Variants in PIGU observed in about 807,000 individuals in gnomAD.
PIGU encodes the protein GPI-anchor transamidase component PIGU.
A neutral mutation model predicts 49.9 loss-of-function variants in PIGU; 24 were observed. That is an observed-to-expected ratio of 0.48 (90% CI 0.35 to 0.68). PIGU has a LOEUF of 0.68. PIGU is among the 30% of genes least tolerant of loss of function. The pLI is 0.01. For synonymous variants in PIGU, 220 were observed against 205.7 expected, an observed-to-expected ratio of 1.07 and a Z score of -0.59; for missense variants, 490 against 532.6, an observed-to-expected ratio of 0.92 and a Z score of 0.79.
In PIGU at chr20:34,656,067, G is replaced by A. The variant is rs1383621286; in HGVS notation, c.195+1113C>T. On this transcript the variant is annotated intron_variant, in intron 2 of 11. Coordinates refer to ENST00000217446, the MANE Select transcript of PIGU (RefSeq NM_080476.5). ...CGGCTCACTGCAAACTCTGCCTCCCGGGTTCAAACAATTGTCCTGCCTCAG... is the reference window on the plus strand; with the variant it reads ...CGGCTCACTGCAAACTCTGCCTCCCAGGTTCAAACAATTGTCCTGCCTCAG... 2.0e-5 allele frequency among the ~76,000 whole-genome samples: 2 copies of A among 101,774 alleles called. 1 individual carries two copies. The highest frequency in any genetic ancestry group is 3.9e-5 in the Non-Finnish European group (2 of 50,976). The allele number at this position is 101,774 out of a possible 152,430, so 66.8% of individuals were successfully genotyped here.
intron 11 of PIGU, among the ~76,000 whole-genome samples, chr20:34,573,663 G>A (rs1983105011): frequency 6.6e-6 from 1 of 152,226 alleles, no homozygotes; most frequent in Admixed American, 6.5e-5. Context: ...AAAGGAAGGA[G>A]ATCCCAGAAA....
At chr20:34,612,579 TA>T (rs1984856435) in intron 7 of PIGU, among the ~76,000 whole-genome samples, 1 of 151,622 alleles carries the variant, frequency 6.6e-6, no homozygotes, top group East Asian at 1.9e-4. Flanking sequence ...AATAAATAAA[TA>T]AATAACCAAG....
At chr20:34,568,438 C>T (rs143106462) in intron 11 of PIGU, among the ~76,000 whole-genome samples, 22 of 152,310 alleles carry the variant, frequency 1.4e-4, no homozygotes, top group African/African-American at 5.3e-4. Flanking sequence ...CCACAGGCAC[C>T]GCATATCGGG....
chr20:34,590,279 G>A (rs1052253026), intron 7 of PIGU, among the ~76,000 whole-genome samples: 4 of 151,994 alleles, frequency 2.6e-5, no homozygotes, highest in Admixed American at 2.0e-4. Flanking sequence ...GTCAGGGACT[G>A]GGCATGGTGG....
At chr20:34,611,951 G>C (rs1984832493) in intron 7 of PIGU, among the ~76,000 whole-genome samples, 2 of 152,186 alleles carry the variant, frequency 1.3e-5, no homozygotes, top group African/African-American at 4.8e-5. Context: ...AGACAGTGTG[G>C]CGATTCCTCA....
rs535329767 is a variant in PIGU at position 34,649,830 on chromosome 20, C to T, written c.196-4496G>A. On this transcript the variant is annotated intron_variant, in intron 2 of 11. Transcript: ENST00000217446. ...TATTACAGGCATGAGCCACTGTGCC[C>T]GGTCCATCTATTACATTCTTTTTTT... is the stretch of plus-strand genomic sequence containing the variant. Among the ~76,000 whole-genome samples, 227 of 136,550 alleles carry T rather than the reference C, an allele frequency of 1.7e-3. 1 individual carries two copies. The highest frequency in any genetic ancestry group is 5.8e-3 in the African/African-American group (211 of 36,232). The allele number at this position is 136,550 out of a possible 152,430, so 89.6% of individuals were successfully genotyped here.
At chr20:34,623,660 A>G (rs1033062695) in intron 6 of PIGU, among the ~76,000 whole-genome samples, 1 of 152,130 alleles carries the variant, frequency 6.6e-6, no homozygotes, top group African/African-American at 2.4e-5. Flanking sequence ...AGCACCATAA[A>G]AATAACAATA....
At chr20:34,664,002 G>C (rs1183511357) in intron 1 of PIGU, among the ~76,000 whole-genome samples, 4 of 152,190 alleles carry the variant, frequency 2.6e-5, no homozygotes, top group Admixed American at 2.6e-4. Flanking sequence ...ATATGCTTTT[G>C]CTAGATACTG....
At chr20:34,595,792 A>G (rs1600612341) in intron 7 of PIGU, among the ~76,000 whole-genome samples, 1 of 152,250 alleles carries the variant, frequency 6.6e-6, no homozygotes, top group Non-Finnish European at 1.5e-5. Flanking sequence ...CAAGAAAAGA[A>G]CTAATCTAAG....
intron 7 of PIGU, among the ~76,000 whole-genome samples, chr20:34,602,414 TA>T (rs2146727902): frequency 6.6e-6 from 1 of 151,564 alleles, no homozygotes; most frequent in Non-Finnish European, 1.5e-5. Context: ...CTGGCCAACA[TA>T]GTGAATCCCT....
intron 11 of PIGU, among the ~76,000 whole-genome samples, chr20:34,564,612 C>T (rs756038360): frequency 1.3e-5 from 2 of 152,184 alleles, no homozygotes; most frequent in Non-Finnish European, 2.9e-5. Flanking sequence ...GCACTTTTCC[C>T]TGTATAATAA....
chr20:34,662,752 C>T (rs1473852610), intron 1 of PIGU, among the ~76,000 whole-genome samples: 1 of 152,108 alleles, frequency 6.6e-6, no homozygotes, highest in Non-Finnish European at 1.5e-5. Flanking sequence ...TGAACATGTA[C>T]TCAATGAGAA....
intron 2 of PIGU, among the ~76,000 whole-genome samples, chr20:34,653,478 T>C (rs1400972494): frequency 1.3e-5 from 2 of 152,236 alleles, no homozygotes; most frequent in Non-Finnish European, 2.9e-5. Flanking sequence ...AAATGTATTT[T>C]ATCTCTGGTG....
intron 5 of PIGU, among the ~76,000 whole-genome samples, chr20:34,635,983 G>A (rs1030690297): frequency 4.0e-5 from 6 of 148,832 alleles, no homozygotes; most frequent in East Asian, 2.0e-4. Flanking sequence ...ACTTGAGCTC[G>A]AGTTCGAGAC....
At chr20:34,668,215 C>T (rs537466452) in intron 1 of PIGU, among the ~76,000 whole-genome samples, 27 of 152,112 alleles carry the variant, frequency 1.8e-4, no homozygotes, top group Middle Eastern at 3.4e-3. Flanking sequence ...GTAATCACAG[C>T]ATTTTGGGAG....
intron 6 of PIGU, among the ~76,000 whole-genome samples, chr20:34,621,650 G>A (rs1308490170): frequency 2.0e-5 from 3 of 152,160 alleles, no homozygotes; most frequent in Non-Finnish European, 4.4e-5. Flanking sequence ...GCTTGAAGGG[G>A]TAAAAAGGAG....
intron 1 of PIGU, among the ~76,000 whole-genome samples, chr20:34,659,411 C>T (rs1258808981): frequency 6.8e-6 from 1 of 146,738 alleles, no homozygotes; most frequent in Non-Finnish European, 1.5e-5. Context: ...GCCAGCCGCC[C>T]GGTCCGGGAG....
At chr20:34,642,010 G>A (rs1986177577) in intron 4 of PIGU, among the ~76,000 whole-genome samples, 1 of 152,044 alleles carries the variant, frequency 6.6e-6, no homozygotes, top group South Asian at 2.1e-4. Context: ...ACACCGTTTG[G>A]CTTTCTCTCT....
At chr20:34,581,695 G>C in intron 9 of PIGU, 23 bp from the exon 10 acceptor site, 1 of 697,298 alleles carries the variant, frequency 1.4e-6, no homozygotes, top group South Asian at 1.9e-5. Flanking sequence ...AGGGGAAAGA[G>C]AGAGAGAGAT....
Sources: allele counts gnomAD v4.1 joint callset (sites outside exome capture counted in the v4.1 genomes callset), GRCh38; gene constraint gnomAD v4.1.1; transcripts MANE v1.5; gene names NCBI Gene and HGNC (gene_info 2026-07-23, HGNC 2026-07-21).